GLRA3: variants seen among roughly 807,000 people sequenced by gnomAD.
The protein encoded by GLRA3 is glycine receptor subunit alpha-3.
A neutral mutation model predicts 60.4 loss-of-function variants in GLRA3; 44 were observed. That is an observed-to-expected ratio of 0.73 (90% CI 0.57 to 0.94). The LOEUF (loss-of-function observed/expected upper bound fraction) is 0.94. Ranked by LOEUF, GLRA3 falls within the 40% of genes least tolerant of loss-of-function variation. The probability of loss-of-function intolerance (pLI) is 0.00; values close to 1 mark genes in which losing one functional copy is unlikely to be tolerated. For missense variants in GLRA3, 508 were observed against 564.6 expected, an observed-to-expected ratio of 0.90 and a Z score of 1.02; for synonymous variants, 223 against 192.9, an observed-to-expected ratio of 1.16 and a Z score of -1.29.
chr4:174,661,279 T>C (rs1380935052), intron 7 of GLRA3, among the ~76,000 whole-genome samples: 1 of 152,202 alleles, frequency 6.6e-6, no homozygotes, highest in Non-Finnish European at 1.5e-5. Context: ...TACATCTCTA[T>C]ATCTAACTCA....
At chr4:174,812,029 C>A (rs1393290983) in intron 1 of GLRA3, among the ~76,000 whole-genome samples, 1 of 152,160 alleles carries the variant, frequency 6.6e-6, no homozygotes, top group Non-Finnish European at 1.5e-5. Context: ...ACACTATATA[C>A]ATTTTATTTT....
chr4:174,654,514 TA>T (rs911157320), intron 9 of GLRA3, among the ~76,000 whole-genome samples: 1 of 152,136 alleles, frequency 6.6e-6, no homozygotes, highest in African/African-American at 2.4e-5. Context: ...TTTGCATATA[TA>T]AATAATAATT....
At chr4:174,706,200 A>T (rs971336344) in intron 5 of GLRA3, among the ~76,000 whole-genome samples, 1 of 151,952 alleles carries the variant, frequency 6.6e-6, no homozygotes, top group Non-Finnish European at 1.5e-5. Context: ...ACTGCACTCC[A>T]GCCTGGGCGA....
intron 5 of GLRA3, among the ~76,000 whole-genome samples, chr4:174,692,116 C>A (rs550078723): frequency 6.6e-6 from 1 of 151,646 alleles, no homozygotes; most frequent in Admixed American, 6.6e-5. Flanking sequence ...CTCCGCCTGG[C>A]AACTGCCCCG....
At chr4:174,689,485 T>C (rs1734697442) in intron 5 of GLRA3, among the ~76,000 whole-genome samples, 1 of 152,078 alleles carries the variant, frequency 6.6e-6, no homozygotes, top group African/African-American at 2.4e-5. Context: ...ATAGATTGCA[T>C]AGCATTGAAG....
At chr4:174,756,837 C>T (rs555076589) in intron 3 of GLRA3, among the ~76,000 whole-genome samples, 2 of 152,110 alleles carry the variant, frequency 1.3e-5, no homozygotes, top group Admixed American at 6.5e-5. Flanking sequence ...TTAGTAGAGA[C>T]GGGGTTTCCC....
intron 4 of GLRA3, 145 bp from the exon 5 acceptor site, chr4:174,715,715 A>G (rs867192737): frequency 9.8e-6 from 5 of 512,810 alleles, no homozygotes; most frequent in Middle Eastern, 1.1e-3. Context: ...ACTTACTATA[A>G]AATAGCTATG....
At chr4:174,645,420 C>CA (rs201216075) in intron 9 of GLRA3, among the ~76,000 whole-genome samples, 24,242 of 75,620 alleles carry the variant, frequency 0.32, 4,945 homozygotes, top group African/African-American at 0.61. Flanking sequence ...ACTCCGTCTC[C>CA]AAAAAAAAAA....
At chr4:174,692,497 A>G (rs567419174) in intron 5 of GLRA3, among the ~76,000 whole-genome samples, 1 of 150,654 alleles carries the variant, frequency 6.6e-6, no homozygotes, top group African/African-American at 2.4e-5. Context: ...TGGAATAGAA[A>G]GGGGGGAAAG....
chr4:174,697,919 A>G (rs1735127052), intron 5 of GLRA3, among the ~76,000 whole-genome samples: 1 of 152,192 alleles, frequency 6.6e-6, no homozygotes, highest in African/African-American at 2.4e-5. Flanking sequence ...GTTGGATTTC[A>G]CTGTAGGAGA....
At chr4:174,800,366 CTT>C (rs1348677094) in intron 1 of GLRA3, among the ~76,000 whole-genome samples, 1 of 152,006 alleles carries the variant, frequency 6.6e-6, no homozygotes, top group African/African-American at 2.4e-5. Flanking sequence ...ATAGACATAA[CTT>C]AATGTGGTGC....
In GLRA3 at chr4:174,637,614, C is replaced by T. The variant is rs1046650180; in HGVS notation, c.*6172G>A. 1 of 152,200 alleles carries T rather than the reference C, an allele frequency of 6.6e-6. No individual in the cohort carries two copies. Among genetic ancestry groups the T allele is most frequent in the Non-Finnish European group, 1.5e-5 (1 of 68,032 alleles). 9.4% of individuals were successfully genotyped at this position (152,200 alleles called of 1,614,324 possible). ...CCCAAAGGCGCCATTGCTAAAACCA[C>T]CCCAGAGTAAAAGCAGCTATTAAAA... On this transcript the variant is annotated 3_prime_UTR_variant, in exon 10 of 10. Transcript: ENST00000274093.
intron 7 of GLRA3, among the ~76,000 whole-genome samples, chr4:174,665,093 A>C (rs529167430): frequency 1.0e-3 from 156 of 152,276 alleles, no homozygotes; most frequent in African/African-American, 3.5e-3. Flanking sequence ...TGGCCAGGGA[A>C]GACCTCCCTG....
intron 1 of GLRA3, among the ~76,000 whole-genome samples, chr4:174,828,193 A>G (rs1741054518): frequency 6.6e-6 from 1 of 152,172 alleles, no homozygotes; most frequent in Non-Finnish European, 1.5e-5. Flanking sequence ...CTAATAATCT[A>G]TTTATGATTT....
At chr4:174,751,478 C>G (rs1737482452) in intron 3 of GLRA3, among the ~76,000 whole-genome samples, 1 of 152,034 alleles carries the variant, frequency 6.6e-6, no homozygotes, top group Non-Finnish European at 1.5e-5. Flanking sequence ...TGTGCAGGCA[C>G]ACAAAGAAAG....
At chr4:174,812,269 T>G (rs1307045439) in intron 1 of GLRA3, among the ~76,000 whole-genome samples, 1 of 152,138 alleles carries the variant, frequency 6.6e-6, no homozygotes, top group East Asian at 1.9e-4. Flanking sequence ...CACCAATCTC[T>G]AGAGTCTCCA....
chr4:174,642,496 T>C lies in GLRA3; in HGVS notation c.*1290A>G, dbSNP rs1732650074. Reference sequence around the variant, plus strand: ...GAAAAAGAGTCAGAGTCTGGTTCTGTTTACCAAGAACTCTATCATACATTT... The same window carrying C: ...GAAAAAGAGTCAGAGTCTGGTTCTGCTTACCAAGAACTCTATCATACATTT... On this transcript the variant is annotated 3_prime_UTR_variant, in exon 10 of 10. Transcript: ENST00000274093. The C allele has an allele frequency of 1.0e-6, 1 of 975,266 alleles. No individual in the cohort carries two copies. The highest frequency in any genetic ancestry group is 4.7e-5 in the South Asian group (1 of 21,074). The allele number at this position is 975,266 out of a possible 1,614,324, so 60.4% of individuals were successfully genotyped here. A position where few individuals can be genotyped will look rare whatever the true frequency, so the allele number is the denominator to read the frequency against.
intron 5 of GLRA3, among the ~76,000 whole-genome samples, chr4:174,686,769 G>A (rs1734568037): frequency 6.6e-6 from 1 of 152,156 alleles, no homozygotes; most frequent in African/African-American, 2.4e-5. Context: ...GGCTCAAGAA[G>A]CAGCAAAATC....
chr4:174,790,461 C>A (rs182927600), intron 1 of GLRA3, among the ~76,000 whole-genome samples: 1 of 152,162 alleles, frequency 6.6e-6, no homozygotes, highest in Non-Finnish European at 1.5e-5. Context: ...TTTTTCCTCT[C>A]CTATCAAGAA....
Sources: allele counts gnomAD v4.1 joint callset (sites outside exome capture counted in the v4.1 genomes callset), GRCh38; gene constraint gnomAD v4.1.1; transcripts MANE v1.5; gene names NCBI Gene and HGNC (gene_info 2026-07-23, HGNC 2026-07-21).